The following COLEC12 variants were observed in gnomAD, a reference collection of about 807,000 sequenced individuals.
COLEC12 encodes the protein collectin-12.
Under a neutral mutation model 71.1 loss-of-function variants are expected in COLEC12, and 33 were observed. The observed-to-expected ratio is 0.46, with a 90% CI of 0.35 to 0.62. The LOEUF is 0.62. Among genes scored for constraint, COLEC12 ranks in the 20% least tolerant of loss-of-function variants. The probability of loss-of-function intolerance (pLI) is 0.00; values close to 1 mark genes in which losing one functional copy is unlikely to be tolerated. For synonymous variants in COLEC12, 350 were observed against 353.0 expected, an observed-to-expected ratio of 0.99 and a Z score of 0.10; for missense variants, 765 against 916.1, an observed-to-expected ratio of 0.84 and a Z score of 2.13.
intron 2 of COLEC12, among the ~76,000 whole-genome samples, chr18:466,493 T>C (rs1007364628): frequency 6.6e-6 from 1 of 152,102 alleles, no homozygotes; most frequent in African/African-American, 2.4e-5. Context: ...TGATTTGGGG[T>C]CTAGGCTCTG....
At position 500,530 on chromosome 18, in the gene COLEC12, G is replaced by C. The variant is rs1223760054; in HGVS notation, c.-16C>G. On this transcript the variant is annotated 5_prime_UTR_variant, in exon 1 of 10. Transcript: ENST00000400256. The surrounding 1 kb of genome is among the most constrained non-coding windows in gnomAD (Gnocchi z 5.3). ...TACCTTTCATGGTGACCGTGGGGAC[G>C]CACCGCCGGCCGGGGAGCTCCGCGC... 3 of 1,225,886 alleles carry C rather than the reference G, an allele frequency of 2.4e-6. No individual in the cohort carries two copies. Among genetic ancestry groups the C allele is most frequent in the Admixed American group, 8.6e-5 (2 of 23,376 alleles). 75.9% of individuals were successfully genotyped at this position (1,225,886 alleles called of 1,614,324 possible).
At chr18:361,036 G>T (rs1463778855) in intron 2 of COLEC12, among the ~76,000 whole-genome samples, 1 of 152,086 alleles carries the variant, frequency 6.6e-6, no homozygotes, top group African/African-American at 2.4e-5. Flanking sequence ...CCCTCAGGTG[G>T]TTAAACTCAA....
intron 8 of COLEC12, among the ~76,000 whole-genome samples, chr18:323,348 T>G (rs2143407960): frequency 2.0e-5 from 3 of 151,576 alleles, no homozygotes; most frequent in Middle Eastern, 6.8e-3. Context: ...GAAGGGAGAG[T>G]TAGAAAATAG....
At chr18:326,363 T>C (rs1218144558) in intron 8 of COLEC12, among the ~76,000 whole-genome samples, 1 of 152,212 alleles carries the variant, frequency 6.6e-6, no homozygotes, top group Non-Finnish European at 1.5e-5. Context: ...TTTTGTTTTT[T>C]TTGAGATGGA....
At chr18:344,123 A>T (rs984825260) in intron 5 of COLEC12, among the ~76,000 whole-genome samples, 6 of 151,376 alleles carry the variant, frequency 4.0e-5, no homozygotes, top group Non-Finnish European at 8.9e-5. Context: ...TTGTCTAAGA[A>T]TTTTTTTTTA....
chr18:481,601 G>A (rs1467405741), intron 1 of COLEC12, among the ~76,000 whole-genome samples: 1 of 152,124 alleles, frequency 6.6e-6, no homozygotes, highest in Non-Finnish European at 1.5e-5. Flanking sequence ...CTACTTGAAA[G>A]GCTGAGGTAG....
intron 2 of COLEC12, among the ~76,000 whole-genome samples, chr18:372,665 G>C (rs570429019): frequency 2.6e-4 from 39 of 152,264 alleles, no homozygotes; most frequent in African/African-American, 9.1e-4. Flanking sequence ...CGATCCACCT[G>C]CCTCGGCCTC....
chr18:338,357 G>T (rs1034787440), intron 5 of COLEC12, among the ~76,000 whole-genome samples: 4 of 152,172 alleles, frequency 2.6e-5, no homozygotes, highest in Non-Finnish European at 5.9e-5. Flanking sequence ...AAAAAGTCCA[G>T]CACTCTAACG....
rs58689722 is a variant in COLEC12, at chr18:438,760, A to G, written c.58+41947T>C. Among the ~76,000 whole-genome samples the G allele has an allele frequency of 9.4e-3, 1,409 of 150,524 alleles. 26 individuals carry two copies. Among genetic ancestry groups the G allele is most frequent in the African/African-American group, 0.033 (1,365 of 41,086 alleles). On this transcript the variant is annotated intron_variant, in intron 2 of 9. Transcript: ENST00000400256. The stretch of plus-strand genomic sequence containing the variant: ...CAAGGCTACAGTGAGCAGTGATCAC[A>G]CCACTGCATTGCAGCCTGGGCGACA...
chr18:474,684 G>A (rs1435164486), intron 2 of COLEC12, among the ~76,000 whole-genome samples: 1 of 152,202 alleles, frequency 6.6e-6, no homozygotes, highest in Non-Finnish European at 1.5e-5. Context: ...ACAGGGGCCA[G>A]ATAAAGAGCT....
At chr18:325,799 G>C (rs1913829707) in intron 8 of COLEC12, among the ~76,000 whole-genome samples, 1 of 151,830 alleles carries the variant, frequency 6.6e-6, no homozygotes, top group Non-Finnish European at 1.5e-5. Flanking sequence ...GAATACCTGG[G>C]ACCACAGATG....
At chr18:419,608 C>G (rs1916058059) in intron 2 of COLEC12, among the ~76,000 whole-genome samples, 1 of 152,212 alleles carries the variant, frequency 6.6e-6, no homozygotes, top group East Asian at 1.9e-4. Context: ...AGTCTTTATA[C>G]AGGAAGAACT....
At chr18:477,757 A>T (rs935551524) in intron 2 of COLEC12, among the ~76,000 whole-genome samples, 1 of 152,178 alleles carries the variant, frequency 6.6e-6, no homozygotes, top group African/African-American at 2.4e-5. Flanking sequence ...CTACGTTGGC[A>T]GGTGTCCCCC....
At chr18:423,890 AGG>A (rs1403437725) in intron 2 of COLEC12, 4 of 152,170 alleles carry the variant, frequency 2.6e-5, no homozygotes, top group African/African-American at 9.7e-5. Flanking sequence ...AGAATTATGC[AGG>A]TTGAGAGAGC....
Position 334,801 on chromosome 18 carries a change from G to A in COLEC12, c.1757C>T (p.Ser586Leu), listed in dbSNP as rs1263295021. 1 of 1,504,662 alleles carries A rather than the reference G, an allele frequency of 6.6e-7. No individual in the cohort carries two copies. Among genetic ancestry groups the A allele is most frequent in the South Asian group, 1.3e-5 (1 of 74,910 alleles). The allele number at this position is 1,504,662 out of a possible 1,614,324, so 93.2% of individuals were successfully genotyped here. The change falls in exon 6 of 10, where the codon TCA becomes TTA. Residue 586 changes from serine (S) to leucine (L), a missense_variant. Ser to Leu is a moderately radical substitution (Grantham distance 145). Coordinates refer to ENST00000400256, the MANE Select transcript of COLEC12 (RefSeq NM_130386.3). ...PKGPPGPPGP[S>L]GAVVPLALQN... ...CAGGGCCAGGGGCACCACCGCTCCT[G>A]ATGGGCCAGGAGGGCCGGGGGGGCC...
chr18:337,153 G>A (rs1477658157), intron 5 of COLEC12, among the ~76,000 whole-genome samples: 3 of 152,086 alleles, frequency 2.0e-5, no homozygotes, highest in Non-Finnish European at 2.9e-5. Context: ...TTACAGGTGT[G>A]AGCCACTGTG....
intron 2 of COLEC12, among the ~76,000 whole-genome samples, chr18:412,837 G>T (rs978476018): frequency 1.3e-5 from 2 of 151,974 alleles, no homozygotes; most frequent in Admixed American, 1.3e-4. Context: ...AACCACTATA[G>T]ATATATCAAA....
At chr18:428,694 A>G (rs1049311950) in intron 2 of COLEC12, among the ~76,000 whole-genome samples, 4 of 152,218 alleles carry the variant, frequency 2.6e-5, no homozygotes, top group African/African-American at 9.6e-5. Context: ...TCTTTTTTTG[A>G]AAATTAAGTT....
chr18:374,119 G>T (rs1915062277), intron 2 of COLEC12, among the ~76,000 whole-genome samples: 1 of 152,160 alleles, frequency 6.6e-6, no homozygotes, highest in African/African-American at 2.4e-5. Context: ...GAGAATAAAT[G>T]ATCTAATACA....
Sources: gnomAD v4.1 joint callset for allele counts (sites outside exome capture counted in the v4.1 genomes callset) on GRCh38, gnomAD v4.1.1 for gene constraint, Gnocchi (gnomAD v3.1) non-coding constraint, MANE v1.5 for transcripts, NCBI Gene and HGNC (gene_info 2026-07-23, HGNC 2026-07-21) for gene names.